The following DSCAM variants were observed in gnomAD, a reference collection of about 807,000 sequenced individuals.
The protein encoded by DSCAM is DS cell adhesion molecule.
In DSCAM, 47 loss-of-function variants were observed where a neutral mutation model predicts 217.7. The ratio of observed to expected loss-of-function variants is 0.22; its 90% CI spans 0.17 to 0.28. DSCAM has a LOEUF of 0.28. Among genes scored for constraint, DSCAM ranks in the 10% least tolerant of loss-of-function variants. The probability of loss-of-function intolerance (pLI) is 1.00; values close to 1 mark genes in which losing one functional copy is unlikely to be tolerated. For synonymous variants in DSCAM, 1,056 were observed against 1,015.3 expected (o/e 1.04, Z -0.76); for missense variants, 2,080 against 2,618.3 (o/e 0.79, Z 4.49).
At chr21:40,613,186 T>C (rs1181087278) in intron 3 of DSCAM, among the ~76,000 whole-genome samples, 1 of 152,192 alleles carries the variant, frequency 6.6e-6, no homozygotes, top group Non-Finnish European at 1.5e-5. Flanking sequence ...GATTAAAACA[T>C]ATACTCTCAC....
At chr21:40,116,176 G>A (rs930064125) in intron 20 of DSCAM, among the ~76,000 whole-genome samples, 2 of 152,162 alleles carry the variant, frequency 1.3e-5, no homozygotes, top group Non-Finnish European at 2.9e-5. Flanking sequence ...GGTGGAGGGT[G>A]AGAGGAGGGG....
intron 3 of DSCAM, among the ~76,000 whole-genome samples, chr21:40,573,146 G>C (rs1862899817): frequency 6.6e-6 from 1 of 152,074 alleles, no homozygotes; most frequent in Admixed American, 6.5e-5. Flanking sequence ...GACCATCCTG[G>C]CTAACACATT....
chr21:40,367,692 A>T (rs1265707528), intron 4 of DSCAM, among the ~76,000 whole-genome samples: 1 of 151,666 alleles, frequency 6.6e-6, no homozygotes, highest in Non-Finnish European at 1.5e-5. Flanking sequence ...GACTCTGTGG[A>T]CCCCTCCCTT....
intron 32 of DSCAM, among the ~76,000 whole-genome samples, chr21:40,020,602 A>T (rs1357584836): frequency 6.6e-6 from 1 of 152,072 alleles, no homozygotes; most frequent in Non-Finnish European, 1.5e-5. Flanking sequence ...TGAAAGGGGA[A>T]GTTGAGGCAT....
intron 3 of DSCAM, among the ~76,000 whole-genome samples, chr21:40,570,677 G>A (rs534935284): frequency 2.0e-5 from 3 of 152,308 alleles, no homozygotes; most frequent in African/African-American, 7.2e-5. Context: ...TACAGCATGG[G>A]AAGCAAACGG....
intron 20 of DSCAM, among the ~76,000 whole-genome samples, chr21:40,104,497 A>T (rs2089793713): frequency 1.3e-5 from 2 of 152,220 alleles, no homozygotes; most frequent in Non-Finnish European, 2.9e-5. Context: ...GCTAATTGAT[A>T]AAAAGGGCAT....
chr21:40,111,246 GT>G (rs1223177171), intron 20 of DSCAM, among the ~76,000 whole-genome samples: 2 of 152,210 alleles, frequency 1.3e-5, no homozygotes, highest in Non-Finnish European at 1.5e-5. Flanking sequence ...CCAGAAGAGA[GT>G]GGGGGCCAAT....
intron 3 of DSCAM, among the ~76,000 whole-genome samples, chr21:40,462,996 C>G (rs1431364403): frequency 6.6e-6 from 1 of 152,114 alleles, no homozygotes; most frequent in Non-Finnish European, 1.5e-5. Flanking sequence ...TTTATTGTAT[C>G]ACTGCAATTG....
At chr21:40,765,284 G>A (rs1457873098) in intron 1 of DSCAM, among the ~76,000 whole-genome samples, 1 of 152,176 alleles carries the variant, frequency 6.6e-6, no homozygotes, top group Non-Finnish European at 1.5e-5. Flanking sequence ...CTTGCGCAGA[G>A]CAACTTGGAG....
intron 16 of DSCAM, among the ~76,000 whole-genome samples, chr21:40,151,544 C>T (rs1478085439): frequency 6.6e-6 from 1 of 152,142 alleles, no homozygotes; most frequent in Non-Finnish European, 1.5e-5. Flanking sequence ...GATATTCTTG[C>T]AGATGGAGAA....
At chr21:40,423,381 A>G (rs891489158) in intron 3 of DSCAM, among the ~76,000 whole-genome samples, 1 of 152,142 alleles carries the variant, frequency 6.6e-6, no homozygotes, top group African/African-American at 2.4e-5. Context: ...CATGTATGTA[A>G]ACGGTGTTAC....
chr21:40,599,125 A>G (rs1393333278), intron 3 of DSCAM, among the ~76,000 whole-genome samples: 2 of 152,178 alleles, frequency 1.3e-5, no homozygotes, highest in Non-Finnish European at 2.9e-5. Flanking sequence ...GTGTTTCACA[A>G]AGATTTTCTC....
intron 8 of DSCAM, among the ~76,000 whole-genome samples, chr21:40,324,837 A>T (rs982362892): frequency 1.2e-4 from 19 of 152,224 alleles, no homozygotes; most frequent in African/African-American, 4.3e-4. Flanking sequence ...CTCATGTTTT[A>T]CTTATTTAGT....
intron 16 of DSCAM, among the ~76,000 whole-genome samples, chr21:40,161,807 A>G (rs2090544123): frequency 6.6e-6 from 1 of 152,184 alleles, no homozygotes; most frequent in Admixed American, 6.5e-5. Context: ...GCAAATGCAA[A>G]CTTTTGTCAT....
rs183079754 is a variant in DSCAM, at chr21:40,774,072, C to T, written c.44-65301G>A. On this transcript the variant is annotated intron_variant, in intron 1 of 32. Coordinates refer to ENST00000400454, the MANE Select transcript of DSCAM (RefSeq NM_001389.5). ...AAGTGCTAGCTGAGATGCTGTCCAACAACCAGAAGGGAGCTTCCAGAGCAC... is the reference window on the plus strand; with the variant it reads ...AAGTGCTAGCTGAGATGCTGTCCAATAACCAGAAGGGAGCTTCCAGAGCAC... Among the ~76,000 whole-genome samples, 125 of 152,332 alleles carry T rather than the reference C, an allele frequency of 8.2e-4. 3 individuals carry two copies. In the South Asian group the frequency reaches 0.024, roughly 30 times the overall value.
Position 40,518,531 on chromosome 21 carries a change from TA to T in DSCAM, c.509-149287del, listed in dbSNP as rs202007455. On this transcript the variant is annotated intron_variant, in intron 3 of 32. Coordinates refer to ENST00000400454, the MANE Select transcript of DSCAM (RefSeq NM_001389.5). ...TATAATATATATAATATATATTTTA[TA>T]TATATATATGTACACACACATATAC... Among the ~76,000 whole-genome samples the T allele has an allele frequency of 2.2e-4, 10 of 45,326 alleles. 2 individuals are homozygous for T. The highest frequency in any genetic ancestry group is 1.6e-3 in the African/African-American group (10 of 6,092). The allele number at this position is 45,326 out of a possible 152,430, so 29.7% of individuals were successfully genotyped here. A position where few individuals can be genotyped will look rare whatever the true frequency, so the allele number is the denominator to read the frequency against.
At chr21:40,230,268 GTTC>G (rs2091369944) in intron 11 of DSCAM, among the ~76,000 whole-genome samples, 2 of 152,148 alleles carry the variant, frequency 1.3e-5, no homozygotes, top group Non-Finnish European at 2.9e-5. Context: ...ATTGGTATTA[GTTC>G]TTCTTTAAAT....
chr21:40,459,905 G>GA (rs1048714969), intron 3 of DSCAM, among the ~76,000 whole-genome samples: 1 of 152,102 alleles, frequency 6.6e-6, no homozygotes, highest in Non-Finnish European at 1.5e-5. Flanking sequence ...GGAACTTGTG[G>GA]AAAAAACTAA....
At chr21:40,377,234 C>A (rs2074972568) in intron 3 of DSCAM, among the ~76,000 whole-genome samples, 1 of 152,082 alleles carries the variant, frequency 6.6e-6, no homozygotes, top group South Asian at 2.1e-4. Context: ...AATTGAGAAA[C>A]AGAGAAGTTC....
Sources: gnomAD v4.1 joint callset for allele counts (sites outside exome capture counted in the v4.1 genomes callset) on GRCh38, gnomAD v4.1.1 for gene constraint, MANE v1.5 for transcripts, NCBI Gene and HGNC (gene_info 2026-07-23, HGNC 2026-07-21) for gene names.